The following ABCG1 variants were observed in gnomAD, a reference collection of about 807,000 sequenced individuals.
ABCG1 encodes ATP-binding cassette sub-family G member 1.
ABCG1 carries 29 observed loss-of-function variants against 69.2 expected under a neutral mutation model. The ratio of observed to expected loss-of-function variants is 0.42; its 90% CI spans 0.31 to 0.57. The LOEUF is 0.57. Among genes scored for constraint, ABCG1 ranks in the 20% least tolerant of loss-of-function variants. The pLI is 0.15. For missense variants in ABCG1, 718 were observed against 898.1 expected, an observed-to-expected ratio of 0.80 and a Z score of 2.56; for synonymous variants, 370 against 374.8, an observed-to-expected ratio of 0.99 and a Z score of 0.15.
At chr21:42,281,085 C>T (rs2068799810) in intron 5 of ABCG1, among the ~76,000 whole-genome samples, 1 of 152,228 alleles carries the variant, frequency 6.6e-6, no homozygotes, top group Admixed American at 6.5e-5. Flanking sequence ...GTCCAGCAGC[C>T]GTGCCCCGGT....
At chr21:42,282,230 C>A (rs918862871) in intron 5 of ABCG1, 44 bp from the exon 6 acceptor site, 1 of 1,592,584 alleles carries the variant, frequency 6.3e-7, no homozygotes, top group Non-Finnish European at 8.6e-7. Context: ...AGGTGGTGAG[C>A]TTTGGCGGGC....
chr21:42,265,589 C>T (rs1275822718), intron 2 of ABCG1, among the ~76,000 whole-genome samples: 5 of 152,152 alleles, frequency 3.3e-5, no homozygotes, highest in Non-Finnish European at 4.4e-5. Context: ...TCCCCTAGCA[C>T]GTTCAGGGGG....
chr21:42,250,446 C>T (rs373229654), intron 2 of ABCG1, among the ~76,000 whole-genome samples: 10 of 152,296 alleles, frequency 6.6e-5, no homozygotes, highest in Admixed American at 2.0e-4. Context: ...AGGGGGACTC[C>T]AGGCTCCCAG....
intron 7 of ABCG1, 63 bp downstream of exon 7, chr21:42,284,746 C>G (rs1250484490): frequency 1.3e-6 from 2 of 1,568,524 alleles, no homozygotes; most frequent in Non-Finnish European, 1.7e-6. Flanking sequence ...CTGAATGACA[C>G]CAAACCCTGG....
In ABCG1 at chr21:42,288,186, G is replaced by A. The variant is rs765426106; in HGVS notation, c.1123-25G>A. 201 of 1,612,294 alleles carry A rather than the reference G, an allele frequency of 1.2e-4. 1 individual carries two copies. The highest frequency in any genetic ancestry group is 4.8e-4 in the Admixed American group (29 of 60,030). ...CGTGGCTCCGGACTGGCTTTCACCC[G>A]CTCCCCTCTTGCGTGTGTCCTCAGG... is the stretch of plus-strand genomic sequence containing the variant. On this transcript the variant is annotated intron_variant, in intron 9 of 14. Coordinates refer to ENST00000398449, the MANE Select transcript of ABCG1 (RefSeq NM_016818.3). This position sits in a 1 kb window ranked among gnomAD's most constrained non-coding sequence, Gnocchi z 4.8.
intron 2 of ABCG1, chr21:42,206,803 G>A (rs1423664875): frequency 6.8e-6 from 1 of 147,924 alleles, no homozygotes; most frequent in African/African-American, 2.5e-5. Context: ...ATTATTTTAG[G>A]TTATGTCTAT....
upstream of ABCG1, among the ~76,000 whole-genome samples, chr21:42,213,275 A>G (rs147617516): frequency 6.6e-6 from 1 of 152,358 alleles, no homozygotes; most frequent in East Asian, 1.9e-4. Context: ...AGGTGCCTGG[A>G]GTGCCTGCAG....
At chr21:42,282,528 T>A (rs1211493376) in intron 6 of ABCG1, 109 bp downstream of exon 6, 22 of 1,319,978 alleles carry the variant, frequency 1.7e-5, no homozygotes, top group Non-Finnish European at 2.1e-5. Context: ...AGGGGGTGAG[T>A]TGAGCTCACC....
chr21:42,289,641 C>T (rs1425638198), intron 10 of ABCG1, among the ~76,000 whole-genome samples: 1 of 152,196 alleles, frequency 6.6e-6, no homozygotes, highest in Non-Finnish European at 1.5e-5. Flanking sequence ...ATTTGAAAGA[C>T]AGAGGGGCTC....
In ABCG1 at chr21:42,282,286, C is replaced by T. The variant is rs144716800; in HGVS notation, c.601C>T (p.Leu201=). The T allele has an allele frequency of 1.4e-5, 22 of 1,612,066 alleles. No individual in the cohort carries two copies. Among genetic ancestry groups the T allele is most frequent in the Non-Finnish European group, 1.5e-5 (18 of 1,179,840 alleles). Residue 201 remains leucine, a synonymous_variant, in exon 6 of 15, where the codon CTG becomes TTG. Coordinates refer to ENST00000398449, the MANE Select transcript of ABCG1 (RefSeq NM_016818.3). The part of the protein sequence containing the change: ...EGRREMVKEI[L]TALGLLSCAN... ...CTGTTGCCCCCAGGTCAAGGAGATACTGACAGCGCTGGGCTTGCTGTCTTG... is the reference window on the plus strand; with the variant it reads ...CTGTTGCCCCCAGGTCAAGGAGATATTGACAGCGCTGGGCTTGCTGTCTTG...
chr21:42,276,008 C>T lies in ABCG1; in HGVS notation c.538-887C>T, dbSNP rs533840421. On this transcript the variant is annotated intron_variant, in intron 4 of 14. Coordinates refer to ENST00000398449, the MANE Select transcript of ABCG1 (RefSeq NM_016818.3). This position sits in a 1 kb window ranked among gnomAD's most constrained non-coding sequence, Gnocchi z 5.3. ...TTGCCCCACACCCCGCCCCCCTCCCCGCCACCGCCCTGCATCTCACCCTCT... is the reference window on the plus strand; with the variant it reads ...TTGCCCCACACCCCGCCCCCCTCCCTGCCACCGCCCTGCATCTCACCCTCT... 2.7e-5 allele frequency among the ~76,000 whole-genome samples: 4 copies of T among 146,004 alleles called. No individual in the cohort carries two copies. Among genetic ancestry groups the T allele is most frequent in the South Asian group, 2.5e-4 (1 of 4,058 alleles).
In ABCG1 at chr21:42,284,742, G is replaced by C; in HGVS notation, c.858+59G>C. ...CCACTGCACTCAGGTCAGCCTGAATGACACCAAACCCTGGGTACCCACTGC... is the reference window on the plus strand; with the variant it reads ...CCACTGCACTCAGGTCAGCCTGAATCACACCAAACCCTGGGTACCCACTGC... On this transcript the variant is annotated intron_variant, in intron 7 of 14. Transcript: ENST00000398449. The C allele has an allele frequency of 2.5e-6, 4 of 1,575,168 alleles. No homozygotes were observed. The South Asian group carries it at 3.3e-5, about 13-fold the overall frequency.
At chr21:42,283,387 C>CTTCAGA (rs1337672800) in intron 6 of ABCG1, among the ~76,000 whole-genome samples, 1 of 152,184 alleles carries the variant, frequency 6.6e-6, no homozygotes, top group Non-Finnish European at 1.5e-5. Context: ...CACACTGTCC[C>CTTCAGA]CCGGGCCTGT....
chr21:42,290,203 C>A lies in ABCG1; in HGVS notation c.1378C>A (p.Pro460Thr), dbSNP rs1338837882. ...MLFLMFAALM[P>T]TVLTFPLEMG... Reference sequence around the variant, plus strand: ...GTTCCTCATGTTCGCGGCCCTCATGCCTACTGTTCTGACATGTGAGTGACA... The same window carrying A: ...GTTCCTCATGTTCGCGGCCCTCATGACTACTGTTCTGACATGTGAGTGACA... Residue 460 changes from proline (P) to threonine (T), a missense_variant, in exon 11 of 15, where the codon CCT becomes ACT. Physicochemically the swap from Pro to Thr is conservative, Grantham distance 38 (BLOSUM62 -1). This residue lies in a region of ABCG1 where 204 missense variants were observed against 323.8 expected (regional missense o/e 0.63). Coordinates refer to ENST00000398449, the MANE Select transcript of ABCG1 (RefSeq NM_016818.3). 1 of 1,614,020 alleles carries A rather than the reference C, an allele frequency of 6.2e-7. No homozygotes were observed. Among genetic ancestry groups the A allele is most frequent in the Non-Finnish European group, 8.5e-7 (1 of 1,180,014 alleles).
rs143918417 is a variant in ABCG1 at position 42,223,385 on chromosome 21, T to C, written c.43-2286T>C. ...TTAGATATCCCTTCTGAGTTACCCA[T>C]AGTATGCTTTCCGCCTGGCTCTTGG... is the stretch of plus-strand genomic sequence containing the variant. On this transcript the variant is annotated intron_variant, in intron 1 of 14. Transcript: ENST00000398449. Among the ~76,000 whole-genome samples, 5 of 152,286 alleles carry C rather than the reference T, an allele frequency of 3.3e-5. No homozygotes were observed. The East Asian group carries it at 9.6e-4, about 29-fold the overall frequency.
At chr21:42,289,719 C>T (rs2069017587) in intron 10 of ABCG1, among the ~76,000 whole-genome samples, 2 of 152,200 alleles carry the variant, frequency 1.3e-5, no homozygotes, top group African/African-American at 4.8e-5. Context: ...TTGTTTTTAC[C>T]TTTCCTCTCT....
chr21:42,224,718 G>A (rs958925915), intron 1 of ABCG1, among the ~76,000 whole-genome samples: 2 of 152,188 alleles, frequency 1.3e-5, no homozygotes, highest in African/African-American at 4.8e-5. Context: ...AAAAAGCACA[G>A]CAATTTGCTC....
intron 4 of ABCG1, among the ~76,000 whole-genome samples, chr21:42,274,107 TC>T (rs1358656000): frequency 5.3e-5 from 8 of 152,198 alleles, no homozygotes; most frequent in African/African-American, 1.7e-4. Flanking sequence ...CAGCTCAGCT[TC>T]CCTGCCGTGC....
At chr21:42,236,286 G>A (rs1402592242) in intron 2 of ABCG1, among the ~76,000 whole-genome samples, 1 of 152,266 alleles carries the variant, frequency 6.6e-6, no homozygotes, top group Non-Finnish European at 1.5e-5. Context: ...ACAGATGACA[G>A]CTGAACTTTA....
Sources: allele counts gnomAD v4.1 joint callset (sites outside exome capture counted in the v4.1 genomes callset), GRCh38; gene constraint gnomAD v4.1.1; regional missense constraint gnomAD v4.1.1; non-coding constraint Gnocchi (gnomAD v3.1); transcripts MANE v1.5; gene names NCBI Gene and HGNC (gene_info 2026-07-23, HGNC 2026-07-21).